SHROOM2: variants seen among roughly 807,000 people sequenced by gnomAD.
The protein encoded by SHROOM2 is shroom family member 2, also known as protein Shroom2.
A neutral mutation model predicts 75.9 loss-of-function variants in SHROOM2; 33 were observed. The ratio of observed to expected loss-of-function variants is 0.43; its 90% CI spans 0.33 to 0.58. SHROOM2 has a LOEUF of 0.58. SHROOM2 is among the 20% of genes least tolerant of loss of function. The pLI is 0.04. For missense variants in SHROOM2, 1,434 were observed against 1,461.2 expected (o/e 0.98, Z 0.30); for synonymous variants, 655 against 663.6 (o/e 0.99, Z 0.20).
At chrX:9,790,211 C>T (rs763289878) in intron 1 of SHROOM2, among the ~76,000 whole-genome samples, 4 of 111,421 alleles carry the variant, frequency 3.6e-5, no homozygotes, top group South Asian at 7.6e-4. Context: ...GGAGGCCCCG[C>T]GCCTCTGATG....
intron 4 of SHROOM2, among the ~76,000 whole-genome samples, chrX:9,897,026 A>G (rs538159659): frequency 1.8e-5 from 2 of 112,641 alleles, no homozygotes; most frequent in South Asian, 3.7e-4. Context: ...ATGGAAAATG[A>G]TAACTAACGC....
chrX:9,791,805 C>G (rs1391649454), intron 1 of SHROOM2, among the ~76,000 whole-genome samples: 2 of 109,824 alleles, frequency 1.8e-5, no homozygotes, highest in African/African-American at 6.7e-5. Flanking sequence ...CCAGCCTGAC[C>G]AACATGGAGA....
chrX:9,871,814 A>G (rs1289078052), intron 1 of SHROOM2, among the ~76,000 whole-genome samples: 1 of 111,401 alleles, frequency 9.0e-6, no homozygotes, highest in Non-Finnish European at 1.9e-5. Context: ...GCTTGAATCC[A>G]AAACACTTAG....
At chrX:9,792,287 A>G (rs2083670175) in intron 1 of SHROOM2, among the ~76,000 whole-genome samples, 1 of 110,832 alleles carries the variant, frequency 9.0e-6, no homozygotes, top group South Asian at 3.8e-4. Context: ...TGAATGTTCC[A>G]GCTTCTCTTT....
chrX:9,854,934 C>T (rs938707905), intron 1 of SHROOM2, among the ~76,000 whole-genome samples: 1 of 110,708 alleles, frequency 9.0e-6, no homozygotes, highest in East Asian at 2.8e-4. Context: ...AAGAATGCCA[C>T]GGGTGAGTCT....
intron 5 of SHROOM2, among the ~76,000 whole-genome samples, chrX:9,922,848 T>A (rs1049430044): frequency 2.7e-5 from 3 of 111,167 alleles, no homozygotes; most frequent in African/African-American, 9.9e-5. Context: ...GGCTTGAGAC[T>A]TTCTGGAATT....
At chrX:9,838,154 G>A (rs1159031775) in intron 1 of SHROOM2, among the ~76,000 whole-genome samples, 7 of 100,589 alleles carry the variant, frequency 7.0e-5, no homozygotes, top group Admixed American at 1.1e-4. Flanking sequence ...TCCGTCTCCC[G>A]GGTTCACGCC....
chrX:9,818,818 G>GT (rs1473597806), intron 1 of SHROOM2: 3 of 494,356 alleles, frequency 6.1e-6, no homozygotes, highest in Non-Finnish European at 1.1e-5. Flanking sequence ...CTCCTCAACT[G>GT]TTTTTTCCAA....
chrX:9,835,115 T>TG (rs199897112), intron 1 of SHROOM2, among the ~76,000 whole-genome samples: 1,416 of 112,332 alleles, frequency 0.013, 24 homozygotes, highest in African/African-American at 0.042. Flanking sequence ...AACTCACTGA[T>TG]GGGAAAAAAC....
intron 1 of SHROOM2, among the ~76,000 whole-genome samples, chrX:9,867,460 T>C (rs955140129): frequency 9.0e-6 from 1 of 111,370 alleles, no homozygotes; most frequent in African/African-American, 3.3e-5. Context: ...AGGACAGAAC[T>C]TCCTCATTTG....
chrX:9,947,048 C>T lies in SHROOM2; in HGVS notation c.*111C>T, dbSNP rs759694380. Reference sequence around the variant, plus strand: ...TTCATGGCCTGGAAAGAGACTTCTCCCATAGCAAAGAGGCTGTTATAAAAG... The same window carrying T: ...TTCATGGCCTGGAAAGAGACTTCTCTCATAGCAAAGAGGCTGTTATAAAAG... On this transcript the variant is annotated 3_prime_UTR_variant, in exon 10 of 10. Transcript: ENST00000380913. 99 of 772,924 alleles carry T rather than the reference C, an allele frequency of 1.3e-4. No homozygotes were observed. The Middle Eastern group carries it at 3.7e-3, about 29-fold the overall frequency. 63.7% of individuals were successfully genotyped at this position (772,924 alleles called of 1,213,427 possible).
intron 5 of SHROOM2, among the ~76,000 whole-genome samples, chrX:9,928,264 C>G (rs778406718): frequency 1.8e-5 from 2 of 112,422 alleles, no homozygotes; most frequent in Admixed American, 1.9e-4. Flanking sequence ...ACTGTGCAAG[C>G]AGCTGTCTCC....
chrX:9,906,533 G>A (rs896140749), intron 5 of SHROOM2, among the ~76,000 whole-genome samples: 1 of 112,867 alleles, frequency 8.9e-6, no homozygotes, highest in Admixed American at 9.3e-5. Context: ...GGTGGCTCAC[G>A]CCTGTAATCC....
At chrX:9,887,373 A>G (rs2084266761) in intron 2 of SHROOM2, among the ~76,000 whole-genome samples, 1 of 112,635 alleles carries the variant, frequency 8.9e-6, no homozygotes, top group African/African-American at 3.2e-5. Flanking sequence ...AAGGCCGAGC[A>G]TGGTGGCGCA....
chrX:9,904,926 A>G (rs1371002080), intron 5 of SHROOM2, among the ~76,000 whole-genome samples: 1 of 112,320 alleles, frequency 8.9e-6, no homozygotes, highest in Non-Finnish European at 1.9e-5. Flanking sequence ...CAGTGGCACA[A>G]TCATGGCTCA....
chrX:9,834,854 G>T (rs1187661695), intron 1 of SHROOM2, among the ~76,000 whole-genome samples: 2 of 111,227 alleles, frequency 1.8e-5, no homozygotes, highest in Non-Finnish European at 1.9e-5. Flanking sequence ...CACTGCCCGT[G>T]CCTGCAGGAT....
Position 9,787,103 on chromosome X carries a change from C to T in SHROOM2, c.165+393C>T, listed in dbSNP as rs192969642. On this transcript the variant is annotated intron_variant, in intron 1 of 9. Transcript: ENST00000380913. ...CCTCTCTGGGGTCCCTGGTTCGGCA[C>T]CCCTTGGACCCGTGCCTGTGATCAC... 9.2e-4 allele frequency among the ~76,000 whole-genome samples: 103 copies of T among 111,859 alleles called. 4 individuals carry two copies. In the East Asian group the frequency reaches 0.021, roughly 22 times the overall value.
At chrX:9,845,474 G>T (rs941795067) in intron 1 of SHROOM2, among the ~76,000 whole-genome samples, 7 of 111,927 alleles carry the variant, frequency 6.3e-5, no homozygotes, top group African/African-American at 2.3e-4. Context: ...TGAAATGGCA[G>T]GGGAGTCATT....
chrX:9,808,639 A>ACC (rs2083771639), intron 1 of SHROOM2, among the ~76,000 whole-genome samples: 1 of 107,533 alleles, frequency 9.3e-6, no homozygotes, highest in Non-Finnish European at 2.0e-5. Flanking sequence ...AGGTGGGTGG[A>ACC]TCACCTGAGG....
Sources: allele counts gnomAD v4.1 joint callset (sites outside exome capture counted in the v4.1 genomes callset), GRCh38; gene constraint gnomAD v4.1.1; transcripts MANE v1.5; gene names NCBI Gene and HGNC (gene_info 2026-07-23, HGNC 2026-07-21).